The following LOC122539214 variants were observed in gnomAD, a reference collection of about 807,000 sequenced individuals.
At chr19:52,684,750 A>G in the LOC122539214 span, among the ~76,000 whole-genome samples, 1 of 152,096 alleles carries the variant, frequency 6.6e-6, no homozygotes, top group East Asian at 1.9e-4. Context: ...ACATAGGGTA[A>G]GAGCAGGGAC....
chr19:52,670,157 C>A, the LOC122539214 span, among the ~76,000 whole-genome samples: 392 of 150,832 alleles, frequency 2.6e-3, 4 homozygotes, highest in Non-Finnish European at 4.0e-3. Flanking sequence ...CTCCACCCTG[C>A]CTCATTCCAA....
the LOC122539214 span, chr19:52,654,346 TCTC>T: frequency 3.7e-6 from 5 of 1,355,994 alleles, no homozygotes; most frequent in Non-Finnish European, 4.1e-6. Context: ...GTGGATCACT[TCTC>T]CTGTATTACC....
the LOC122539214 span, among the ~76,000 whole-genome samples, chr19:52,672,748 C>T: frequency 1.3e-5 from 2 of 152,204 alleles, no homozygotes; most frequent in Admixed American, 1.3e-4. Flanking sequence ...TATTGGTGCT[C>T]GCCATCATGC....
At chr19:52,654,094 A>G in the LOC122539214 span, 1 of 1,603,536 alleles carries the variant, frequency 6.2e-7, no homozygotes, top group South Asian at 1.1e-5. Flanking sequence ...AAATTCGTGC[A>G]GTTCAGGCAG....
the LOC122539214 span, chr19:52,674,148 G>A: frequency 6.6e-6 from 1 of 151,748 alleles, no homozygotes; most frequent in Non-Finnish European, 1.5e-5. Context: ...GCCCTCAAAT[G>A]AACTCTTGGG....
At chr19:52,673,430 A>G in the LOC122539214 span, among the ~76,000 whole-genome samples, 5 of 151,774 alleles carry the variant, frequency 3.3e-5, no homozygotes, top group African/African-American at 4.8e-5. Context: ...TTGAGCCAAG[A>G]AGGCAGAGGT....
chr19:52,674,843 T>C, the LOC122539214 span, among the ~76,000 whole-genome samples: 1 of 152,180 alleles, frequency 6.6e-6, no homozygotes, highest in African/African-American at 2.4e-5. Context: ...ATGATTTAGA[T>C]TTAACACAAC....
the LOC122539214 span, among the ~76,000 whole-genome samples, chr19:52,678,945 C>T: frequency 1.3e-5 from 2 of 149,196 alleles, no homozygotes; most frequent in Non-Finnish European, 3.0e-5. Flanking sequence ...ACTGCCTCCA[C>T]CCTGGGTGAC....
chr19:52,653,728 C>T, the LOC122539214 span, among the ~76,000 whole-genome samples: 31 of 152,338 alleles, frequency 2.0e-4, no homozygotes, highest in African/African-American at 7.2e-4. Flanking sequence ...ACACTCATTA[C>T]ACTTGTAAGG....
the LOC122539214 span, chr19:52,654,356 T>C: frequency 1.5e-6 from 2 of 1,302,354 alleles, no homozygotes; most frequent in South Asian, 1.4e-5. Context: ...TCTCCTGTAT[T>C]ACCGTGCCCT....
the LOC122539214 span, among the ~76,000 whole-genome samples, chr19:52,686,481 T>C: frequency 2.6e-4 from 33 of 128,694 alleles, no homozygotes; most frequent in African/African-American, 1.0e-3. Context: ...TATATATATA[T>C]AAATAAATGA....
the LOC122539214 span, among the ~76,000 whole-genome samples, chr19:52,662,148 T>C: frequency 6.6e-6 from 1 of 152,374 alleles, no homozygotes; most frequent in Admixed American, 6.5e-5. Context: ...ACGCCTTTCA[T>C]GTATACACAC....
the LOC122539214 span, among the ~76,000 whole-genome samples, chr19:52,659,990 AG>A: frequency 1.3e-5 from 2 of 152,172 alleles, no homozygotes; most frequent in Non-Finnish European, 2.9e-5. Flanking sequence ...CAGGAGTTCG[AG>A]ACCAGTCTGG....
the LOC122539214 span, among the ~76,000 whole-genome samples, chr19:52,687,374 TTATAATTTATATATA>T: frequency 2.0e-3 from 38 of 19,076 alleles, 8 homozygotes; most frequent in African/African-American, 0.026. Context: ...ATAATATAAA[TTATAATTTATATATA>T]TATAATTTAT....
At chr19:52,661,812 A>G in the LOC122539214 span, among the ~76,000 whole-genome samples, 1 of 152,260 alleles carries the variant, frequency 6.6e-6, no homozygotes, top group South Asian at 2.1e-4. Context: ...GCAATGTCAA[A>G]TGGGGCCTGT....
the LOC122539214 span, among the ~76,000 whole-genome samples, chr19:52,675,822 G>A: frequency 1.3e-5 from 2 of 152,254 alleles, no homozygotes; most frequent in African/African-American, 2.4e-5. Flanking sequence ...GACGAAAGTG[G>A]AACTAATTTA....
chr19:52,664,482 T>A, the LOC122539214 span, among the ~76,000 whole-genome samples: 2 of 152,020 alleles, frequency 1.3e-5, no homozygotes, highest in Non-Finnish European at 2.9e-5. Context: ...GGTGTCAAAG[T>A]GAGACCCCAT....
the LOC122539214 span, among the ~76,000 whole-genome samples, chr19:52,659,247 G>T: frequency 6.6e-6 from 1 of 152,074 alleles, no homozygotes; most frequent in African/African-American, 2.4e-5. Flanking sequence ...GAGGAAAGCT[G>T]CGATGGAAGC....
the LOC122539214 span, among the ~76,000 whole-genome samples, chr19:52,663,221 C>G: frequency 2.6e-5 from 4 of 152,140 alleles, no homozygotes; most frequent in African/African-American, 9.7e-5. Flanking sequence ...AAAGAAATGT[C>G]TCTTTCAATG....
Sources: allele counts gnomAD v4.1 joint callset (sites outside exome capture counted in the v4.1 genomes callset), GRCh38; gene constraint gnomAD v4.1.1; transcripts MANE v1.5.